Variants in PCNX1 observed in about 807,000 individuals in gnomAD.
The protein encoded by PCNX1 is pecanex 1.
PCNX1 carries 78 observed loss-of-function variants against 242.2 expected under a neutral mutation model. The observed-to-expected ratio is 0.32, with a 90% CI of 0.27 to 0.39. The LOEUF (loss-of-function observed/expected upper bound fraction) is 0.39, where lower values mean the gene tolerates loss of function less well. Ranked by LOEUF, PCNX1 falls within the 10% of genes least tolerant of loss-of-function variation. PCNX1 has a pLI of 1.00. For synonymous variants in PCNX1, 1,024 were observed against 1,032.9 expected (o/e 0.99, Z 0.17); for missense variants, 2,581 against 2,856.5 (o/e 0.90, Z 2.20).
At chr14:71,099,934 C>G (rs1566803798) in intron 30 of PCNX1, among the ~76,000 whole-genome samples, 1 of 152,076 alleles carries the variant, frequency 6.6e-6, no homozygotes, top group Non-Finnish European at 1.5e-5. Context: ...TTCTCCAGCC[C>G]TTTACTTTGC....
intron 33 of PCNX1, 146 bp downstream of exon 33, chr14:71,105,586 T>A: frequency 1.7e-6 from 1 of 604,600 alleles, no homozygotes; most frequent in Non-Finnish European, 2.9e-6. Flanking sequence ...AGTCTTGCTC[T>A]GGCTGGAGTG....
intron 21 of PCNX1, 51 bp downstream of exon 21, chr14:71,047,156 A>G: frequency 9.0e-7 from 1 of 1,106,568 alleles, no homozygotes; most frequent in Non-Finnish European, 1.3e-6. Flanking sequence ...GCTGTTATAA[A>G]CAATGTCTTA....
chr14:70,982,419 C>T (rs1038297650), intron 6 of PCNX1, among the ~76,000 whole-genome samples: 1 of 151,512 alleles, frequency 6.6e-6, no homozygotes, highest in Admixed American at 6.6e-5. Flanking sequence ...GGAAACCCAG[C>T]GGTGTGTGGT....
chr14:71,051,530 C>T (rs889897321), intron 23 of PCNX1, among the ~76,000 whole-genome samples: 1 of 152,086 alleles, frequency 6.6e-6, no homozygotes, highest in Non-Finnish European at 1.5e-5. Context: ...GGTTAGTAAC[C>T]ACATTGATAT....
chr14:71,065,242 A>G (rs2141324017), intron 26 of PCNX1, among the ~76,000 whole-genome samples: 1 of 152,344 alleles, frequency 6.6e-6, no homozygotes, highest in South Asian at 2.1e-4. Context: ...CCAACAGTGT[A>G]AAAGCATTCT....
chr14:71,052,167 T>C (rs1351291208), intron 24 of PCNX1, among the ~76,000 whole-genome samples, 155 bp downstream of exon 24: 1 of 152,124 alleles, frequency 6.6e-6, no homozygotes, highest in African/African-American at 2.4e-5. Flanking sequence ...ATTTGAAAAG[T>C]ATATAAAAGA....
At chr14:70,981,107 T>G (rs942434298) in intron 6 of PCNX1, among the ~76,000 whole-genome samples, 6 of 152,144 alleles carry the variant, frequency 3.9e-5, no homozygotes, top group African/African-American at 1.4e-4. Context: ...GGAAAGCTAC[T>G]TACAAACCTC....
intron 5 of PCNX1, among the ~76,000 whole-genome samples, chr14:70,970,384 CCAAT>C (rs2058506008): frequency 1.3e-5 from 2 of 152,140 alleles, no homozygotes; most frequent in East Asian, 3.9e-4. Context: ...AGTCAATCAA[CCAAT>C]CAATCAGTCA....
At chr14:71,059,964 C>G (rs2141267949) in intron 26 of PCNX1, among the ~76,000 whole-genome samples, 1 of 152,312 alleles carries the variant, frequency 6.6e-6, no homozygotes, top group Middle Eastern at 3.4e-3. Context: ...CCAGCCATCT[C>G]TCTTTCTCCC....
In PCNX1 at chr14:70,947,305, G is replaced by A. The variant is rs144905563; in HGVS notation, c.362+182G>A. Among the ~76,000 whole-genome samples, 4 of 152,292 alleles carry A rather than the reference G, an allele frequency of 2.6e-5. No individual in the cohort carries two copies. In the East Asian group the frequency reaches 5.8e-4, roughly 22 times the overall value. ...TTAGAACAGAGCTAAGCTAACTGGT[G>A]TGTTTGGGGGATTAAATCAATATTC... On this transcript the variant is annotated intron_variant, in intron 2 of 35. Coordinates refer to ENST00000304743, the MANE Select transcript of PCNX1 (RefSeq NM_014982.3).
chr14:71,076,770 A>G (rs748577488), intron 28 of PCNX1, among the ~76,000 whole-genome samples: 1 of 152,224 alleles, frequency 6.6e-6, no homozygotes, highest in Non-Finnish European at 1.5e-5. Context: ...ACTTAAGGAT[A>G]ATTAAATGTC....
intron 28 of PCNX1, among the ~76,000 whole-genome samples, chr14:71,077,135 A>G (rs1316437748): frequency 6.6e-6 from 1 of 152,174 alleles, no homozygotes; most frequent in East Asian, 1.9e-4. Flanking sequence ...GTGGCTCCCA[A>G]TCCACACATT....
intron 16 of PCNX1, chr14:71,031,687 A>G (rs2060387940): frequency 7.7e-6 from 6 of 776,198 alleles, no homozygotes; most frequent in Middle Eastern, 2.4e-4. Context: ...ACGTCTGTAC[A>G]TGAGCCCCAG....
Position 70,976,956 on chromosome 14 carries a change from C to T in PCNX1, c.619C>T (p.Arg207Trp), listed in dbSNP as rs766865128. The T allele has an allele frequency of 9.3e-6, 15 of 1,611,174 alleles. No homozygotes were observed. Among genetic ancestry groups the T allele is most frequent in the East Asian group, 2.2e-5 (1 of 44,842 alleles). The change falls in exon 6 of 36, where the codon CGG (arginine) becomes TGG (tryptophan). Residue 207 changes from arginine to tryptophan, a missense_variant. Physicochemically the swap from Arg to Trp is moderately radical, Grantham distance 101 (BLOSUM62 -3). Around this residue, in one of 9 missense-constraint regions of PCNX1, gnomAD observed 1,204 missense variants for 1,216.7 expected, o/e 0.99. Coordinates refer to ENST00000304743, the MANE Select transcript of PCNX1 (RefSeq NM_014982.3). Reference protein sequence around the residue: ...GSEEQDLAADRKLFRLVSNDS... With the variant: ...GSEEQDLAADWKLFRLVSNDS... ...GTTTGAAACAGATTTGGCAGCTGATCGGAAGCTCTTTCGTCTTGTCTCCAA... is the reference window on the plus strand; with the variant it reads ...GTTTGAAACAGATTTGGCAGCTGATTGGAAGCTCTTTCGTCTTGTCTCCAA...
In PCNX1 at chr14:71,016,135, C is replaced by G. The variant is rs2059957661; in HGVS notation, c.2997-2874C>G. Among the ~76,000 whole-genome samples the G allele has an allele frequency of 2.0e-5, 3 of 152,258 alleles. 1 individual carries two copies. In the South Asian group the frequency reaches 6.2e-4, roughly 32 times the overall value. On this transcript the variant is annotated intron_variant, in intron 11 of 35. Coordinates refer to ENST00000304743, the MANE Select transcript of PCNX1 (RefSeq NM_014982.3). ...TATTAAAGTCAGGTAAAGTAGACTT[C>G]AGAACAAAGAATATTACCAAGGATA...
intron 1 of PCNX1, among the ~76,000 whole-genome samples, chr14:70,912,450 C>T (rs886794860): frequency 2.0e-5 from 3 of 152,040 alleles, no homozygotes; most frequent in Admixed American, 6.6e-5. Flanking sequence ...CTACCAGCCC[C>T]TGACTGACAT....
intron 23 of PCNX1, 88 bp downstream of exon 23, chr14:71,050,848 A>C: frequency 2.5e-6 from 3 of 1,213,172 alleles, no homozygotes. Flanking sequence ...TCATGGTGTA[A>C]GTTTACTGTG....
chr14:70,942,253 T>C (rs1416477465), intron 1 of PCNX1, among the ~76,000 whole-genome samples: 2 of 152,212 alleles, frequency 1.3e-5, no homozygotes, highest in African/African-American at 4.8e-5. Context: ...TCGGCCATCT[T>C]ACAACTAAGA....
intron 26 of PCNX1, among the ~76,000 whole-genome samples, chr14:71,067,765 A>G (rs772951737): frequency 1.2e-4 from 19 of 152,154 alleles, no homozygotes; most frequent in Non-Finnish European, 2.1e-4. Context: ...TTCTCTCTAA[A>G]CACTGCTTTA....
Sources: gnomAD v4.1 joint callset for allele counts (sites outside exome capture counted in the v4.1 genomes callset) on GRCh38, gnomAD v4.1.1 for gene constraint, gnomAD v4.1.1 regional missense constraint, MANE v1.5 for transcripts, NCBI Gene and HGNC (gene_info 2026-07-23, HGNC 2026-07-21) for gene names.